The following PSMD6 variants were observed in gnomAD, a reference collection of about 807,000 sequenced individuals.
PSMD6 encodes proteasome 26S subunit, non-ATPase 6.
Under a neutral mutation model 44.9 loss-of-function variants are expected in PSMD6, and 7 were observed. The ratio of observed to expected loss-of-function variants is 0.16; its 90% CI spans 0.09 to 0.29. The LOEUF is 0.29. Among genes scored for constraint, PSMD6 ranks in the 10% least tolerant of loss-of-function variants. PSMD6 has a pLI of 1.00. For synonymous variants in PSMD6, 184 were observed against 172.7 expected (o/e 1.07, Z -0.51); for missense variants, 420 against 482.6 (o/e 0.87, Z 1.21).
chr3:64,013,316 A>T, intron 6 of PSMD6, 123 bp downstream of exon 6: 2 of 1,024,750 alleles, frequency 2.0e-6, no homozygotes, highest in Non-Finnish European at 2.8e-6. Context: ...CTGAGGAAAA[A>T]AACCTCTCCC....
chr3:64,020,873 C>G (rs2076117901), intron 2 of PSMD6, among the ~76,000 whole-genome samples: 1 of 152,048 alleles, frequency 6.6e-6, no homozygotes, highest in Non-Finnish European at 1.5e-5. Context: ...TATATTGGCA[C>G]CATGTCATTC....
intron 5 of PSMD6, chr3:64,016,527 C>G (rs2076046716): frequency 6.6e-6 from 1 of 150,708 alleles, no homozygotes; most frequent in South Asian, 2.1e-4. Flanking sequence ...AGGAAATTAT[C>G]ACAAAACAGA....
chr3:64,012,748 G>A (rs2075979734), intron 6 of PSMD6: 1 of 152,292 alleles, frequency 6.6e-6, no homozygotes, highest in African/African-American at 2.4e-5. Flanking sequence ...CACGCAGAAG[G>A]ACTCCATATG....
Position 64,018,664 on chromosome 3 carries a change from G to T in PSMD6, c.761C>A (p.Pro254Gln), listed in dbSNP as rs778879290. Residue 254 changes from proline (P) to glutamine (Q), a missense_variant, in exon 5 of 8, where the codon CCA becomes CAA. Around this residue, in one of 4 missense-constraint regions of PSMD6, gnomAD observed 216 missense variants for 227.0 expected, o/e 0.95. Coordinates refer to ENST00000295901, the MANE Select transcript of PSMD6 (RefSeq NM_014814.3). ...AEILEVLHSL[P>Q]AVRQYLFSLY... ...TGAAAACAGATACTGCCGAACTGCTGGAAGACTGTGCAACACTTCAAGAAT... is the reference window on the plus strand; with the variant it reads ...TGAAAACAGATACTGCCGAACTGCTTGAAGACTGTGCAACACTTCAAGAAT... 9 of 1,606,788 alleles carry T rather than the reference G, an allele frequency of 5.6e-6. No homozygotes were observed. Among genetic ancestry groups the T allele is most frequent in the Non-Finnish European group, 7.7e-6 (9 of 1,173,492 alleles).
At chr3:64,023,211 A>G (rs957860886) in intron 1 of PSMD6, 64 bp downstream of exon 1, 9 of 1,484,914 alleles carry the variant, frequency 6.1e-6, no homozygotes, top group Admixed American at 2.4e-5. Flanking sequence ...AAGTCCCCGC[A>G]GGCTCCGGAA....
intron 5 of PSMD6, chr3:64,013,905 A>C: frequency 4.0e-6 from 1 of 251,060 alleles, no homozygotes; most frequent in Non-Finnish European, 7.5e-6. Flanking sequence ...TTAACCACGG[A>C]GAACTTCTTA....
intron 6 of PSMD6, chr3:64,012,840 C>T (rs1283728518): frequency 6.6e-6 from 1 of 152,210 alleles, no homozygotes; most frequent in Non-Finnish European, 1.5e-5. Context: ...TTTCTCATCT[C>T]CATAGGTTCA....
upstream of PSMD6, chr3:64,023,857 C>A: frequency 6.8e-7 from 1 of 1,462,074 alleles, no homozygotes; most frequent in Non-Finnish European, 9.3e-7. Context: ...CATCTTCATG[C>A]TGCGAGGTAG....
At chr3:64,014,429 T>A (rs1243508562) in intron 5 of PSMD6, 1 of 152,026 alleles carries the variant, frequency 6.6e-6, no homozygotes, top group Non-Finnish European at 1.5e-5. Flanking sequence ...ATAGAGTGAC[T>A]AGGAAGCCCT....
rs2076146728 is a variant in PSMD6 at position 64,022,392 on chromosome 3, T to G, written c.277A>C (p.Lys93Gln). 1 of 1,614,246 alleles carries G rather than the reference T, an allele frequency of 6.2e-7. No individual in the cohort carries two copies. The highest frequency in any genetic ancestry group is 1.7e-5 in the Admixed American group (1 of 60,032). ...RLDEELEDAE[K>Q]NLGESEIRDA... ...CGAATTTCGCTCTCTCCTAGATTCT[T>G]CTCTGCATCTTCCAGCTCCTCATCC... Residue 93 changes from lysine (K) to glutamine (Q), a missense_variant, in exon 2 of 8, where the codon AAG becomes CAG. Physicochemically the swap from Lys to Gln is moderately conservative, Grantham distance 53. Transcript: ENST00000295901.
At chr3:64,013,300 A>C in intron 6 of PSMD6, 139 bp downstream of exon 6, 3 of 808,362 alleles carry the variant, frequency 3.7e-6, no homozygotes, top group East Asian at 5.5e-5. Context: ...GAATGTTTTG[A>C]TAATACTGAG....
At chr3:64,016,999 C>T (rs952373378) in intron 5 of PSMD6, 1 of 152,172 alleles carries the variant, frequency 6.6e-6, no homozygotes, top group African/African-American at 2.4e-5. Context: ...CTGATACATG[C>T]TACAACATGG....
At chr3:64,013,165 A>G (rs1380567806) in intron 6 of PSMD6, 2 of 292,458 alleles carry the variant, frequency 6.8e-6, no homozygotes, top group Non-Finnish European at 1.3e-5. Context: ...GTAACAGAAG[A>G]CAACTTTTGA....
Position 64,019,415 on chromosome 3 carries a change from C to T in PSMD6, c.378G>A (p.Lys126=). The T allele has an allele frequency of 6.2e-7, 1 of 1,613,258 alleles. No homozygotes were observed. Among genetic ancestry groups the T allele is most frequent in the Non-Finnish European group, 8.5e-7 (1 of 1,179,656 alleles). ...CCAGGGCCACAGTTTTGTCATATGT[C>T]TTGCGAAAGGCTGTCAGAGCTCCCT... The part of the protein sequence containing the change: ...DKEGALTAFR[K]TYDKTVALGH... The change falls in exon 3 of 8, where the codon AAG becomes AAA. Residue 126 remains lysine (K), a synonymous_variant. Transcript: ENST00000295901.
intron 5 of PSMD6, 33 bp from the exon 6 acceptor site, chr3:64,013,640 C>G: frequency 6.5e-7 from 1 of 1,546,708 alleles, no homozygotes; most frequent in Non-Finnish European, 8.7e-7. Context: ...TTATAATAGA[C>G]TCTCCGTTTC....
upstream of PSMD6, chr3:64,023,957 A>G: frequency 2.7e-6 from 2 of 734,838 alleles, no homozygotes; most frequent in East Asian, 3.0e-5. Context: ...GCCATGTCGC[A>G]AGGCCTAAAT....
At chr3:64,019,498 T>G (rs1451289531) in intron 2 of PSMD6, 57 bp from the exon 3 acceptor site, 1 of 1,546,936 alleles carries the variant, frequency 6.5e-7, no homozygotes, top group East Asian at 2.3e-5. Flanking sequence ...CAAAAAAAGC[T>G]ATCAGCTGTC....
At chr3:64,011,251 C>G (rs2075940934) in intron 6 of PSMD6, 1 of 243,602 alleles carries the variant, frequency 4.1e-6, no homozygotes, top group Non-Finnish European at 7.8e-6. Context: ...GGGACCAAAA[C>G]TGATAAAAAC....
chr3:64,019,047 A>T lies in PSMD6; in HGVS notation c.498-10T>A. On this transcript the variant is annotated splice_polypyrimidine_tract_variant and intron_variant, in intron 3 of 7. Transcript: ENST00000295901. ...TCCTTCTTCTATTAAGCTATGAAAT[A>T]AAAACAGTAAGATCATAGTCTGGAA... 1.3e-6 allele frequency: 2 copies of T among 1,580,540 alleles called. No individual in the cohort carries two copies. The highest frequency in any genetic ancestry group is 1.7e-6 in the Non-Finnish European group (2 of 1,149,882).
Sources: allele counts gnomAD v4.1 joint callset (sites outside exome capture counted in the v4.1 genomes callset), GRCh38; gene constraint gnomAD v4.1.1; regional missense constraint gnomAD v4.1.1; transcripts MANE v1.5; gene names NCBI Gene and HGNC (gene_info 2026-07-23, HGNC 2026-07-21).